MAP3K21: variants seen among roughly 807,000 people sequenced by gnomAD.
The protein encoded by MAP3K21 is mitogen-activated protein kinase kinase kinase 21.
Under a neutral mutation model 86.1 loss-of-function variants are expected in MAP3K21, and 63 were observed. The ratio of observed to expected loss-of-function variants is 0.73; its 90% confidence interval spans 0.60 to 0.90. The LOEUF (loss-of-function observed/expected upper bound fraction) is 0.90, where lower values mean the gene tolerates loss of function less well. MAP3K21 is among the 40% of genes least tolerant of loss of function. The pLI, the probability that MAP3K21 is intolerant of heterozygous loss-of-function variation, is 0.00. For missense variants in MAP3K21, 1,220 were observed against 1,367.7 expected (o/e 0.89, Z 1.70); for synonymous variants, 558 against 564.8 (o/e 0.99, Z 0.17).
intron 6 of MAP3K21, among the ~76,000 whole-genome samples, chr1:233,375,437 C>T (rs1012284113): frequency 6.6e-6 from 1 of 151,766 alleles, no homozygotes; most frequent in Non-Finnish European, 1.5e-5. Context: ...ATTGTGATGA[C>T]CAAAAAATAA....
chr1:233,332,453 G>A (rs1662825453), intron 1 of MAP3K21, among the ~76,000 whole-genome samples: 1 of 152,138 alleles, frequency 6.6e-6, no homozygotes, highest in Admixed American at 6.5e-5. Flanking sequence ...CTAAGGAGAA[G>A]GCTGGTGAGG....
In MAP3K21 at chr1:233,355,051, A is replaced by T. The variant is rs1663325738; in HGVS notation, c.1311+40A>T. The T allele has an allele frequency of 4.9e-6, 7 of 1,438,098 alleles. No individual in the cohort carries two copies. The Admixed American group carries it at 5.7e-5, about 12-fold the overall frequency. 89.1% of individuals were successfully genotyped at this position (1,438,098 alleles called of 1,614,324 possible). A position where few individuals can be genotyped will look rare whatever the true frequency, so the allele number is the denominator to read the frequency against. On this transcript the variant is annotated intron_variant, in intron 4 of 9. Transcript: ENST00000366624. ...TAAACAGCATAATGTACTCAAATTT[A>T]TGAAAACTATGGAAAATATGAGGCA...
In MAP3K21 at chr1:233,350,705, AGGC is replaced by A. The variant is rs1440126216; in HGVS notation, c.987-3101_987-3099del. On this transcript the variant is annotated intron_variant, in intron 2 of 9. Coordinates refer to ENST00000366624, the MANE Select transcript of MAP3K21 (RefSeq NM_032435.3). ...CCTGGTTTTGCAGGTTAAGTAGCCG[AGGC>A]ACAGAGAAGTTAAGAAATTTGCTTA... Among the ~76,000 whole-genome samples, 53 of 152,250 alleles carry A rather than the reference AGGC, an allele frequency of 3.5e-4. 1 individual carries two copies. In the South Asian group the frequency reaches 3.7e-3, roughly 11 times the overall value.
At chr1:233,374,923 A>G (rs1460742878) in intron 6 of MAP3K21, among the ~76,000 whole-genome samples, 11 of 150,594 alleles carry the variant, frequency 7.3e-5, no homozygotes, top group Non-Finnish European at 8.9e-5. Flanking sequence ...AATAATAGCA[A>G]TTTTCCCCAG....
At chr1:233,346,148 T>C (rs896711694) in intron 1 of MAP3K21, among the ~76,000 whole-genome samples, 13 of 152,234 alleles carry the variant, frequency 8.5e-5, no homozygotes, top group Non-Finnish European at 1.5e-4. Context: ...AGACTTCTGA[T>C]CCTACTTGTG....
chr1:233,380,869 G>A (rs1477142941), intron 9 of MAP3K21, among the ~76,000 whole-genome samples: 1 of 152,158 alleles, frequency 6.6e-6, no homozygotes, highest in Non-Finnish European at 1.5e-5. Context: ...GTATCACAGT[G>A]TCTCACTCCT....
At chr1:233,360,425 G>C (rs925340667) in intron 4 of MAP3K21, among the ~76,000 whole-genome samples, 8 of 152,078 alleles carry the variant, frequency 5.3e-5, no homozygotes, top group African/African-American at 1.4e-4. Context: ...ATTAGCTGAA[G>C]TGATTTAAAC....
rs199515472 is a variant in MAP3K21 at position 233,376,071 on chromosome 1, G to A, written c.1826+5G>A. 654 of 1,598,584 alleles carry A rather than the reference G, an allele frequency of 4.1e-4. 2 individuals are homozygous for A. The highest frequency in any genetic ancestry group is 2.5e-3 in the Middle Eastern group (15 of 6,024). The stretch of plus-strand genomic sequence containing the variant: ...TAGAACAGATTGCAAAGAAAGGTAC[G>A]TGTGTGGTATCTGGTGGTATTCATT... On this transcript the variant is annotated splice_donor_5th_base_variant and intron_variant, in intron 7 of 9. Coordinates refer to ENST00000366624, the MANE Select transcript of MAP3K21 (RefSeq NM_032435.3).
chr1:233,364,214 G>A (rs1358850815), intron 5 of MAP3K21, among the ~76,000 whole-genome samples: 1 of 152,158 alleles, frequency 6.6e-6, no homozygotes, highest in East Asian at 1.9e-4. Flanking sequence ...TCCTTAGCTG[G>A]AGTGTTGCTT....
intron 1 of MAP3K21, among the ~76,000 whole-genome samples, chr1:233,336,554 T>TAAATAAATAAATA (rs564288747): frequency 3.3e-5 from 5 of 150,918 alleles, no homozygotes; most frequent in African/African-American, 1.2e-4. Flanking sequence ...AATAAATAAA[T>TAAATAAATAAATA]AAATAAAATA....
At chr1:233,376,656 C>A in intron 8 of MAP3K21, 129 bp downstream of exon 8, 1 of 587,458 alleles carries the variant, frequency 1.7e-6, no homozygotes, top group Non-Finnish European at 3.0e-6. Context: ...AATGGCATTT[C>A]TTATAGCTTT....
intron 1 of MAP3K21, among the ~76,000 whole-genome samples, chr1:233,345,822 A>G (rs149513569): frequency 6.6e-6 from 1 of 152,164 alleles, no homozygotes; most frequent in East Asian, 1.9e-4. Flanking sequence ...TGCTGGCATC[A>G]GCTTCACTCC....
intron 6 of MAP3K21, 89 bp downstream of exon 6, chr1:233,372,249 T>TA: frequency 6.6e-7 from 1 of 1,505,026 alleles, no homozygotes; most frequent in East Asian, 2.3e-5. Flanking sequence ...TGTGTTTTCA[T>TA]AGCAGGTTGT....
chr1:233,328,351 C>T lies in MAP3K21; in HGVS notation c.323C>T (p.Pro108Leu), dbSNP rs1047019697. 1 of 1,468,446 alleles carries T rather than the reference C, an allele frequency of 6.8e-7. No individual in the cohort carries two copies. The highest frequency in any genetic ancestry group is 8.9e-7 in the Non-Finnish European group (1 of 1,118,890). The allele number at this position is 1,468,446 out of a possible 1,614,324, so 91.0% of individuals were successfully genotyped here. ...APCRPAASPAPPPSRPSSPVH... is the reference protein window; with the variant it reads ...APCRPAASPALPPSRPSSPVH... ...TGCCGCCCGGCCGCCAGCCCCGCGC[C>T]GCCGCCCTCGCGGCCCAGCTCCCCG... Residue 108 changes from proline (P) to leucine (L), a missense_variant, in exon 1 of 10, where the codon CCG becomes CTG. Pro to Leu is a moderately conservative substitution (Grantham distance 98). Transcript: ENST00000366624. The surrounding 1 kb of genome is among the most constrained non-coding windows in gnomAD (Gnocchi z 8.7).
At chr1:233,343,581 A>T (rs1324975237) in intron 1 of MAP3K21, among the ~76,000 whole-genome samples, 1 of 152,224 alleles carries the variant, frequency 6.6e-6, no homozygotes, top group African/African-American at 2.4e-5. Flanking sequence ...GAGATTTCCA[A>T]AGGATAAATA....
At chr1:233,335,672 C>T (rs1458138909) in intron 1 of MAP3K21, among the ~76,000 whole-genome samples, 1 of 152,148 alleles carries the variant, frequency 6.6e-6, no homozygotes, top group Non-Finnish European at 1.5e-5. Flanking sequence ...CCTGGATTAA[C>T]AGTTCTCAAA....
intron 1 of MAP3K21, among the ~76,000 whole-genome samples, chr1:233,341,184 AG>A (rs913344794): frequency 5.3e-5 from 8 of 152,158 alleles, no homozygotes; most frequent in African/African-American, 1.4e-4. Flanking sequence ...GTGGCCAAAA[AG>A]GTTAGTTTGC....
rs1204230185 is a variant in MAP3K21, at chr1:233,327,867, C to T, written c.-162C>T. On this transcript the variant is annotated 5_prime_UTR_variant, in exon 1 of 10. Transcript: ENST00000366624. ...CAGGAACGCGGGCCGAGGCTGGACC[C>T]TTTGGGCAGCTAGCCCGTGATCTCT... The T allele has an allele frequency of 2.0e-6, 1 of 496,790 alleles. No homozygotes were observed. The highest frequency in any genetic ancestry group is 3.1e-6 in the Non-Finnish European group (1 of 324,180). The allele number at this position is 496,790 out of a possible 1,614,324, so 30.8% of individuals were successfully genotyped here.
chr1:233,328,683 C>G lies in MAP3K21; in HGVS notation c.655C>G (p.Pro219Ala). 7.4e-7 allele frequency: 1 copy of G among 1,355,618 alleles called. No homozygotes were observed. The highest frequency in any genetic ancestry group is 9.5e-7 in the Non-Finnish European group (1 of 1,051,816). 84.0% of individuals were successfully genotyped at this position (1,355,618 alleles called of 1,614,324 possible). A position where few individuals can be genotyped will look rare whatever the true frequency, so the allele number is the denominator to read the frequency against. ...NRALAAANAA[P>A]DPRAPGPRRA... ...AGCGCTGGCCGCTGCCAACGCCGCC[C>G]CGGACCCGCGCGCGCCCGGCCCCCG... is the stretch of plus-strand genomic sequence containing the variant. The change falls in exon 1 of 10, where the codon CCG (proline) becomes GCG (alanine). Residue 219 changes from proline (P) to alanine (A), a missense_variant. By Grantham distance (27) the Pro-to-Ala change is conservative. This residue lies in a region of MAP3K21 where 369 missense variants were observed against 385.3 expected (regional missense o/e 0.96). Coordinates refer to ENST00000366624, the MANE Select transcript of MAP3K21 (RefSeq NM_032435.3). This position sits in a 1 kb window ranked among gnomAD's most constrained non-coding sequence, Gnocchi z 8.7.
Sources: gnomAD v4.1 joint callset for allele counts (sites outside exome capture counted in the v4.1 genomes callset) on GRCh38, gnomAD v4.1.1 for gene constraint, gnomAD v4.1.1 regional missense constraint, Gnocchi (gnomAD v3.1) non-coding constraint, MANE v1.5 for transcripts, NCBI Gene and HGNC (gene_info 2026-07-23, HGNC 2026-07-21) for gene names.